Variants in KPNA3 observed in about 807,000 individuals in gnomAD.
The protein encoded by KPNA3 is importin subunit alpha-4.
Under a neutral mutation model 73.8 loss-of-function variants are expected in KPNA3, and 13 were observed. The observed-to-expected ratio is 0.18, with a 90% CI of 0.11 to 0.28. The LOEUF is 0.28. Ranked by LOEUF, KPNA3 falls within the 10% of genes least tolerant of loss-of-function variation. KPNA3 has a pLI of 1.00. For missense variants in KPNA3, 360 were observed against 618.1 expected (o/e 0.58, Z 4.43); for synonymous variants, 186 against 206.9 (o/e 0.90, Z 0.87).
At chr13:49,782,865 GA>G (rs1164482176) in intron 1 of KPNA3, among the ~76,000 whole-genome samples, 246 of 137,856 alleles carry the variant, frequency 1.8e-3, no homozygotes, top group African/African-American at 5.4e-3. Flanking sequence ...CTGTCTCAAA[GA>G]AAAAAAAAAA....
At chr13:49,784,456 C>T (rs761543311) in intron 1 of KPNA3, among the ~76,000 whole-genome samples, 7 of 152,098 alleles carry the variant, frequency 4.6e-5, no homozygotes, top group East Asian at 1.9e-4. Flanking sequence ...AAAACTGACC[C>T]GAACAAATTA....
chr13:49,771,517 G>A (rs765291), intron 1 of KPNA3, among the ~76,000 whole-genome samples: 18,154 of 152,092 alleles, frequency 0.12, 2,178 homozygotes, highest in East Asian at 0.58. Context: ...TGCCAGTGGC[G>A]CAATCACCAT....
intron 2 of KPNA3, among the ~76,000 whole-genome samples, chr13:49,744,289 C>T (rs184590472): frequency 3.9e-5 from 6 of 152,270 alleles, no homozygotes; most frequent in African/African-American, 1.4e-4. Flanking sequence ...TAAGGCTTAG[C>T]TCATTTCTCT....
intron 1 of KPNA3, among the ~76,000 whole-genome samples, chr13:49,757,395 G>A (rs1308945885): frequency 1.3e-5 from 2 of 151,922 alleles, no homozygotes; most frequent in Non-Finnish European, 2.9e-5. Context: ...CAAAAGAAAT[G>A]AAAAAATATT....
chr13:49,710,736 T>C (rs1018007696), intron 11 of KPNA3, among the ~76,000 whole-genome samples, 155 bp downstream of exon 11: 3 of 152,108 alleles, frequency 2.0e-5, no homozygotes, highest in Admixed American at 6.5e-5. Flanking sequence ...CTGGGTGAGA[T>C]AAAGATTTGG....
intron 1 of KPNA3, among the ~76,000 whole-genome samples, chr13:49,767,300 G>A (rs3936842): frequency 1.3e-5 from 2 of 151,242 alleles, no homozygotes; most frequent in Admixed American, 6.6e-5. Flanking sequence ...GCCTGTAGTC[G>A]CAGCTACTCA....
At chr13:49,781,686 A>G (rs1445339148) in intron 1 of KPNA3, among the ~76,000 whole-genome samples, 3 of 152,178 alleles carry the variant, frequency 2.0e-5, no homozygotes, top group East Asian at 3.8e-4. Flanking sequence ...CATTATTTTT[A>G]TGCCCAAACT....
chr13:49,724,665 C>T (rs1015370295), intron 7 of KPNA3, among the ~76,000 whole-genome samples: 6 of 152,112 alleles, frequency 3.9e-5, no homozygotes, highest in African/African-American at 1.2e-4. Flanking sequence ...TGTGCAGTCT[C>T]GGCTCACTGC....
intron 6 of KPNA3, 45 bp downstream of exon 6, chr13:49,732,326 A>T: frequency 1.0e-6 from 1 of 954,270 alleles, no homozygotes; most frequent in Non-Finnish European, 1.6e-6. Context: ...CCAAACTTTT[A>T]AGTTAACTGA....
chr13:49,725,548 T>A, intron 6 of KPNA3, 47 bp from the exon 7 acceptor site: 2 of 1,153,554 alleles, frequency 1.7e-6, no homozygotes, highest in Non-Finnish European at 2.6e-6. Flanking sequence ...AACTACCACT[T>A]AAATTAATGA....
At chr13:49,743,914 T>A (rs1594446740) in intron 2 of KPNA3, among the ~76,000 whole-genome samples, 1 of 152,316 alleles carries the variant, frequency 6.6e-6, no homozygotes, top group Non-Finnish European at 1.5e-5. Context: ...ATTACTTAAT[T>A]CCAATTTTAC....
At chr13:49,702,999 G>C (rs543056971) in intron 15 of KPNA3, among the ~76,000 whole-genome samples, 1 of 151,772 alleles carries the variant, frequency 6.6e-6, no homozygotes, top group African/African-American at 2.4e-5. Context: ...CTCCCAAGTA[G>C]CTGGGACTAC....
chr13:49,714,690 A>C (rs1249544368), intron 10 of KPNA3, among the ~76,000 whole-genome samples: 1 of 152,174 alleles, frequency 6.6e-6, no homozygotes, highest in Non-Finnish European at 1.5e-5. Context: ...GAAGCATAAC[A>C]TTAACACCTC....
chr13:49,762,363 T>C (rs907664314), intron 1 of KPNA3, among the ~76,000 whole-genome samples: 4 of 152,070 alleles, frequency 2.6e-5, no homozygotes, highest in Non-Finnish European at 4.4e-5. Flanking sequence ...GTCTGGGAAG[T>C]GTACCCAACA....
intron 1 of KPNA3, among the ~76,000 whole-genome samples, chr13:49,747,272 G>A (rs2137569603): frequency 6.6e-6 from 1 of 152,304 alleles, no homozygotes; most frequent in African/African-American, 2.4e-5. Flanking sequence ...TTGAACCCGG[G>A]AGGCGGGGGG....
intron 10 of KPNA3, among the ~76,000 whole-genome samples, chr13:49,714,169 G>A (rs1332057524): frequency 6.6e-6 from 1 of 152,070 alleles, no homozygotes; most frequent in Non-Finnish European, 1.5e-5. Context: ...GAACAACAGT[G>A]TAAACTACGG....
At chr13:49,739,360 T>C (rs1954552686) in intron 2 of KPNA3, among the ~76,000 whole-genome samples, 1 of 152,226 alleles carries the variant, frequency 6.6e-6, no homozygotes, top group South Asian at 2.1e-4. Context: ...CACATGTATT[T>C]TGAGAGGCAT....
chr13:49,753,846 C>T (rs1954687603), intron 1 of KPNA3, among the ~76,000 whole-genome samples: 1 of 152,208 alleles, frequency 6.6e-6, no homozygotes, highest in African/African-American at 2.4e-5. Flanking sequence ...CTCCCCGACC[C>T]GCCATTCATG....
intron 1 of KPNA3, among the ~76,000 whole-genome samples, chr13:49,761,607 C>T (rs1174312639): frequency 1.3e-5 from 2 of 151,166 alleles, no homozygotes; most frequent in Non-Finnish European, 3.0e-5. Flanking sequence ...ACCTCCCAGC[C>T]GCCTGCCTTG....
Sources: gnomAD v4.1 joint callset for allele counts (sites outside exome capture counted in the v4.1 genomes callset) on GRCh38, gnomAD v4.1.1 for gene constraint, MANE v1.5 for transcripts, NCBI Gene and HGNC (gene_info 2026-07-23, HGNC 2026-07-21) for gene names.